The following SFMBT2 variants were observed in gnomAD, a reference collection of about 807,000 sequenced individuals.
SFMBT2 encodes Scm like with four mbt domains 2, also known as scm-like with four MBT domains protein 2.
Under a neutral mutation model 110.1 loss-of-function variants are expected in SFMBT2, and 38 were observed. The observed-to-expected ratio is 0.35, with a 90% CI of 0.27 to 0.45. The LOEUF (loss-of-function observed/expected upper bound fraction) is 0.45, where lower values mean the gene tolerates loss of function less well. SFMBT2 is among the 20% of genes least tolerant of loss of function. SFMBT2 has a pLI of 1.00. For synonymous variants in SFMBT2, 425 were observed against 425.4 expected (o/e 1.00, Z 0.01); for missense variants, 1,011 against 1,094.9 (o/e 0.92, Z 1.08).
rs777510655 is a variant in SFMBT2 at position 7,284,027 on chromosome 10, G to A, written c.649C>T (p.Arg217Cys). 4.3e-6 allele frequency: 7 copies of A among 1,613,952 alleles called. No individual in the cohort carries two copies. The highest frequency in any genetic ancestry group is 4.0e-5 in the African/African-American group (3 of 74,884). ...SVIENVGGRL[R>C]LRYVGLEDTE... ...TCCTCCAATCCCACATAGCGAAGGC[G>A]TAATCTTCCTCCAACATTTTCAATC... The change falls in exon 6 of 21, where the codon CGC becomes TGC. Residue 217 changes from arginine (R) to cysteine (C), a missense_variant. Arg to Cys is a radical substitution (Grantham distance 180). This residue lies in a region of SFMBT2 where 979 missense variants were observed against 1,016.1 expected (regional missense o/e 0.96). Coordinates refer to ENST00000397167, the MANE Select transcript of SFMBT2 (RefSeq NM_001387889.1).
At chr10:7,175,757 C>T (rs1838033870) in intron 17 of SFMBT2, among the ~76,000 whole-genome samples, 1 of 101,566 alleles carries the variant, frequency 9.8e-6, no homozygotes, top group Admixed American at 1.1e-4. Flanking sequence ...TTTTCCAAGG[C>T]CTACCAATGA....
At chr10:7,242,243 C>T (rs1840454306) in intron 9 of SFMBT2, among the ~76,000 whole-genome samples, 1 of 152,158 alleles carries the variant, frequency 6.6e-6, no homozygotes, top group Admixed American at 6.5e-5. Flanking sequence ...TGGGGACTCC[C>T]ACAGGTGTCT....
At chr10:7,182,162 A>G (rs1349635669) in intron 16 of SFMBT2, among the ~76,000 whole-genome samples, 2 of 152,010 alleles carry the variant, frequency 1.3e-5, no homozygotes, top group Non-Finnish European at 2.9e-5. Flanking sequence ...CTCAGCCTCC[A>G]GAGTAGCTGG....
intron 7 of SFMBT2, among the ~76,000 whole-genome samples, chr10:7,269,375 A>G (rs1841499141): frequency 6.6e-6 from 1 of 152,204 alleles, no homozygotes; most frequent in Non-Finnish European, 1.5e-5. Flanking sequence ...CGACAACCAC[A>G]CAGACGTGTG....
At position 7,408,152 on chromosome 10, in the gene SFMBT2, G is replaced by A. The variant is rs1329325108; in HGVS notation, c.-52+2709C>T. 1.3e-5 allele frequency among the ~76,000 whole-genome samples: 2 copies of A among 152,266 alleles called. No individual in the cohort carries two copies. Among genetic ancestry groups the A allele is most frequent in the Non-Finnish European group, 2.9e-5 (2 of 68,046 alleles). On this transcript the variant is annotated intron_variant, in intron 1 of 20. Coordinates refer to ENST00000397167, the MANE Select transcript of SFMBT2 (RefSeq NM_001387889.1). The surrounding 1 kb of genome is among the most constrained non-coding windows in gnomAD (Gnocchi z 5.7). ...AGGAGGACAAGGGGAGGGGTTCGCG[G>A]CTGAAACTGCAGCTTCGCAGCACAG... is the stretch of plus-strand genomic sequence containing the variant.
Position 7,246,162 on chromosome 10 carries a change from A to G in SFMBT2, c.972+2386T>C, listed in dbSNP as rs116434467. The G allele has an allele frequency of 9.9e-4, 975 of 985,062 alleles. 6 individuals are homozygous for G. The African/African-American group carries it at 0.012, about 12-fold the overall frequency. 61.0% of individuals were successfully genotyped at this position (985,062 alleles called of 1,614,324 possible). On this transcript the variant is annotated intron_variant, in intron 8 of 20. Transcript: ENST00000397167. ...AGAGGAGGGGTGTATACGAAACGGC[A>G]TGACTTATTTTATCTTTGCTACAAA...
intron 9 of SFMBT2, among the ~76,000 whole-genome samples, chr10:7,243,329 G>A (rs778782513): frequency 5.9e-5 from 9 of 152,274 alleles, no homozygotes; most frequent in South Asian, 2.1e-4. Flanking sequence ...ATGCGGTAAC[G>A]GATGGGGAAA....
Position 7,304,349 on chromosome 10 carries a change from G to A in SFMBT2, c.437-18395C>T, listed in dbSNP as rs148551954. Among the ~76,000 whole-genome samples the A allele has an allele frequency of 9.4e-4, 143 of 152,224 alleles. 1 individual carries two copies. Among genetic ancestry groups the A allele is most frequent in the East Asian group, 9.7e-4 (5 of 5,176 alleles). On this transcript the variant is annotated intron_variant, in intron 4 of 20. Coordinates refer to ENST00000397167, the MANE Select transcript of SFMBT2 (RefSeq NM_001387889.1). ...ATACCTTTGTTCCCCTTTGACTTCC[G>A]CCATGATTGTGAGGCCTCCCCAGCC...
At position 7,386,213 on chromosome 10, in the gene SFMBT2, C is replaced by T. The variant is rs185008263; in HGVS notation, c.-51-4264G>A. ...TATTTTGTGGGTATGTGATTACTTTCGAGACATTTAAAGAACACAACTCCA... is the reference window on the plus strand; with the variant it reads ...TATTTTGTGGGTATGTGATTACTTTTGAGACATTTAAAGAACACAACTCCA... On this transcript the variant is annotated intron_variant, in intron 1 of 20. Transcript: ENST00000397167. 4.3e-4 allele frequency among the ~76,000 whole-genome samples: 65 copies of T among 152,200 alleles called. 1 individual carries two copies. The highest frequency in any genetic ancestry group is 1.5e-3 in the African/African-American group (63 of 41,514).
chr10:7,373,669 A>G (rs2388049), intron 2 of SFMBT2, among the ~76,000 whole-genome samples: 138,736 of 152,160 alleles, frequency 0.91, 63,430 homozygotes, highest in East Asian at 1. Flanking sequence ...AGAATCCTAG[A>G]GAGGTTTCAA....
chr10:7,386,021 C>T (rs375671257), intron 1 of SFMBT2, among the ~76,000 whole-genome samples: 1 of 151,922 alleles, frequency 6.6e-6, no homozygotes. Flanking sequence ...AAAAAAGCCC[C>T]TCTCCTTACA....
intron 12 of SFMBT2, chr10:7,203,804 CT>C (rs1839035895): frequency 7.4e-6 from 2 of 268,742 alleles, no homozygotes; most frequent in Admixed American, 6.5e-5. Flanking sequence ...CAACCTCTGC[CT>C]CCCGGATTCA....
At chr10:7,377,603 G>A (rs1427080920) in intron 2 of SFMBT2, among the ~76,000 whole-genome samples, 1 of 152,150 alleles carries the variant, frequency 6.6e-6, no homozygotes, top group East Asian at 1.9e-4. Context: ...TCAGGCATTA[G>A]ATTCTCATAA....
chr10:7,407,418 C>T (rs1846249575), intron 1 of SFMBT2, among the ~76,000 whole-genome samples: 1 of 152,124 alleles, frequency 6.6e-6, no homozygotes, highest in African/African-American at 2.4e-5. Context: ...TGGGCAGCGG[C>T]AACCGAGCCA....
At chr10:7,371,499 T>C (rs990743124) in intron 2 of SFMBT2, among the ~76,000 whole-genome samples, 1 of 152,158 alleles carries the variant, frequency 6.6e-6, no homozygotes, top group Non-Finnish European at 1.5e-5. Context: ...TCCCCAAACA[T>C]TTAAGGCTAC....
intron 2 of SFMBT2, among the ~76,000 whole-genome samples, chr10:7,376,934 G>A (rs1845239748): frequency 6.6e-6 from 1 of 150,996 alleles, no homozygotes; most frequent in African/African-American, 2.4e-5. Context: ...CACTTGGGAG[G>A]CCGAGGCGGG....
At chr10:7,222,224 G>C (rs1839764978) in intron 10 of SFMBT2, among the ~76,000 whole-genome samples, 1 of 152,202 alleles carries the variant, frequency 6.6e-6, no homozygotes, top group East Asian at 1.9e-4. Flanking sequence ...AGATGCACCA[G>C]AGCTTATCTA....
chr10:7,169,086 C>T (rs1837789045), intron 20 of SFMBT2, among the ~76,000 whole-genome samples: 3 of 152,192 alleles, frequency 2.0e-5, no homozygotes, highest in South Asian at 4.1e-4. Context: ...CCTCAGCCTC[C>T]CAAGTAGCTG....
rs145240967 is a variant in SFMBT2 at position 7,384,591 on chromosome 10, C to T, written c.-51-2642G>A. Among the ~76,000 whole-genome samples the T allele has an allele frequency of 1.1e-3, 174 of 152,120 alleles. 2 individuals carry two copies. Among genetic ancestry groups the T allele is most frequent in the Middle Eastern group, 6.8e-3 (2 of 294 alleles). ...TCTGCAATGTAATGAGCTTAGTTTC[C>T]GAAAGCTTAGCTGGAATCGACACTA... On this transcript the variant is annotated intron_variant, in intron 1 of 20. Coordinates refer to ENST00000397167, the MANE Select transcript of SFMBT2 (RefSeq NM_001387889.1).
Sources: allele counts gnomAD v4.1 joint callset (sites outside exome capture counted in the v4.1 genomes callset), GRCh38; gene constraint gnomAD v4.1.1; regional missense constraint gnomAD v4.1.1; non-coding constraint Gnocchi (gnomAD v3.1); transcripts MANE v1.5; gene names NCBI Gene and HGNC (gene_info 2026-07-23, HGNC 2026-07-21).